Variants in ASB13 observed in about 807,000 individuals in gnomAD.
The protein encoded by ASB13 is ankyrin repeat and SOCS box containing 13.
ASB13 carries 33 observed loss-of-function variants against 28.8 expected under a neutral mutation model. The observed-to-expected ratio is 1.15, with a 90% CI of 0.87 to 1.53. The LOEUF (loss-of-function observed/expected upper bound fraction) is 1.53, where lower values mean the gene tolerates loss of function less well. ASB13 is among the 40% of genes most tolerant of loss of function. The probability of loss-of-function intolerance (pLI) is 0.00; values close to 1 mark genes in which losing one functional copy is unlikely to be tolerated. For missense variants in ASB13, 414 were observed against 390.1 expected, an observed-to-expected ratio of 1.06 and a Z score of -0.52; for synonymous variants, 182 against 172.9, an observed-to-expected ratio of 1.05 and a Z score of -0.41.
At position 5,666,566 on chromosome 10, in the gene ASB13, GCCGCGCGGCGAC is replaced by G; in HGVS notation, c.-27_-16del. The G allele has an allele frequency of 1.7e-6, 2 of 1,153,960 alleles. No homozygotes were observed. The highest frequency in any genetic ancestry group is 2.1e-6 in the Non-Finnish European group (2 of 938,170). 71.5% of individuals were successfully genotyped at this position (1,153,960 alleles called of 1,614,324 possible). The stretch of plus-strand genomic sequence containing the variant: ...CGGGGCTCCATGCGGCTCACCGGCG[GCCGCGCGGCGAC>G]TCTGGGCGCCGGGACCTGGGCCGGG... On this transcript the variant is annotated 5_prime_UTR_variant, in exon 1 of 6. Transcript: ENST00000357700.
At chr10:5,657,821 G>C (rs2131454906) in intron 1 of ASB13, among the ~76,000 whole-genome samples, 1 of 152,326 alleles carries the variant, frequency 6.6e-6, no homozygotes, top group Admixed American at 6.5e-5. Flanking sequence ...CTACAACATG[G>C]ATGAACCTTG....
rs72772144 is a variant in ASB13, at chr10:5,649,608, C to T, written c.383-504G>A. Among the ~76,000 whole-genome samples, 12,478 of 151,762 alleles carry T rather than the reference C, an allele frequency of 0.082. 580 individuals carry two copies. Among genetic ancestry groups the T allele is most frequent in the Non-Finnish European group, 0.1 (6,796 of 67,940 alleles). ...TGGTGCGATCTCAGCTCACTACAAC[C>T]GCCATCTCCCGGGTTAAAGCGATTC... On this transcript the variant is annotated intron_variant, in intron 3 of 5. Transcript: ENST00000357700. This position sits in a 1 kb window ranked among gnomAD's most constrained non-coding sequence, Gnocchi z 6.4.
At position 5,651,577 on chromosome 10, in the gene ASB13, T is replaced by C; in HGVS notation, c.232-214A>G. The C allele has an allele frequency of 3.7e-6, 2 of 542,396 alleles. No homozygotes were observed. Among genetic ancestry groups the C allele is most frequent in the South Asian group, 2.3e-5 (1 of 43,314 alleles). 33.6% of individuals were successfully genotyped at this position (542,396 alleles called of 1,614,324 possible). A position where few individuals can be genotyped will look rare whatever the true frequency, so the allele number is the denominator to read the frequency against. Reference sequence around the variant, plus strand: ...GAGAAGTCATCTCGTTCAGGATTCTTTTCTCTCAGGGCAGGATAAGCTCAG... The same window carrying C: ...GAGAAGTCATCTCGTTCAGGATTCTCTTCTCTCAGGGCAGGATAAGCTCAG... On this transcript the variant is annotated intron_variant, in intron 2 of 5. Transcript: ENST00000357700. The surrounding 1 kb of genome is among the most constrained non-coding windows in gnomAD (Gnocchi z 5.1).
Position 5,649,058 on chromosome 10 carries a change from C to A in ASB13, c.429G>T (p.Leu143=), listed in dbSNP as rs368611759. 22 of 1,614,146 alleles carry A rather than the reference C, an allele frequency of 1.4e-5. No individual in the cohort carries two copies. The East Asian group carries it at 1.6e-4, about 11-fold the overall frequency. The change falls in exon 4 of 6, where the codon CTG becomes CTT. Residue 143 remains leucine, a synonymous_variant. Coordinates refer to ENST00000357700, the MANE Select transcript of ASB13 (RefSeq NM_024701.4). The surrounding 1 kb of genome is among the most constrained non-coding windows in gnomAD (Gnocchi z 6.4). ...TCCCAAAATGGCAATCGTGCGCTTC[C>A]AGATTGGCCCCGACGTCAATAAGAA... ...VRLLIDVGAN[L]EAHDCHFGTP... is the part of the protein sequence containing the mutation.
rs1208060801 is a variant in ASB13 at position 5,652,976 on chromosome 10, C to T, written c.118G>A (p.Glu40Lys). 2.6e-6 allele frequency: 4 copies of T among 1,560,124 alleles called. No individual in the cohort carries two copies. The highest frequency in any genetic ancestry group is 2.4e-5 in the East Asian group (1 of 42,162). Residue 40 changes from glutamate (E) to lysine (K), a missense_variant, in exon 2 of 6, where the codon GAG (glutamate) becomes AAG (lysine). Transcript: ENST00000357700. This position sits in a 1 kb window ranked among gnomAD's most constrained non-coding sequence, Gnocchi z 5.0. ...ACCTGGTTCACGCAGGCGCCGCTCTCGATCAGCTGTTGCAGCTGCAGGCTC... is the reference window on the plus strand; with the variant it reads ...ACCTGGTTCACGCAGGCGCCGCTCTTGATCAGCTGTTGCAGCTGCAGGCTC... ...GESLQLQQLI[E>K]SGACVNQVTV... is the part of the protein sequence containing the mutation.
Position 5,663,462 on chromosome 10 carries a change from C to T in ASB13, c.43+3047G>A, listed in dbSNP as rs917760814. 6.6e-6 allele frequency among the ~76,000 whole-genome samples: 1 copy of T among 152,118 alleles called. No individual in the cohort carries two copies. The highest frequency in any genetic ancestry group is 1.5e-5 in the Non-Finnish European group (1 of 68,012). On this transcript the variant is annotated intron_variant, in intron 1 of 5. Transcript: ENST00000357700. The surrounding 1 kb of genome is among the most constrained non-coding windows in gnomAD (Gnocchi z 4.9). The stretch of plus-strand genomic sequence containing the variant: ...CCCTGGTCCACCCCAAAGGCTATGG[C>T]CCAGGGAGCATGGGGAGGGTCCCCC...
In ASB13 at chr10:5,649,292, G is replaced by A. The variant is rs774298573; in HGVS notation, c.383-188C>T. On this transcript the variant is annotated intron_variant, in intron 3 of 5. Coordinates refer to ENST00000357700, the MANE Select transcript of ASB13 (RefSeq NM_024701.4). This position sits in a 1 kb window ranked among gnomAD's most constrained non-coding sequence, Gnocchi z 6.4. ...CCTCAGGAAGCCAGGACACGGCTCT[G>A]CGCCCCGCTGAGGACGGAGGGCTCA... 1.3e-5 allele frequency among the ~76,000 whole-genome samples: 2 copies of A among 152,212 alleles called. No individual in the cohort carries two copies. The highest frequency in any genetic ancestry group is 2.4e-5 in the African/African-American group (1 of 41,454).
Position 5,641,714 on chromosome 10 carries a change from CA to C in ASB13, c.709+55del, listed in dbSNP as rs760510950. 1.6e-5 allele frequency: 24 copies of C among 1,511,500 alleles called. No individual in the cohort carries two copies. Among genetic ancestry groups the C allele is most frequent in the Non-Finnish European group, 2.1e-5 (23 of 1,120,986 alleles). 93.6% of individuals were successfully genotyped at this position (1,511,500 alleles called of 1,614,324 possible). A position where few individuals can be genotyped will look rare whatever the true frequency, so the allele number is the denominator to read the frequency against. ...GGAAGCCCACAGGGAGCCGGCACGT[CA>C]GGGGTCCAGGCTGAAGGCTGGAGGG... is the stretch of plus-strand genomic sequence containing the variant. On this transcript the variant is annotated intron_variant, in intron 5 of 5. Coordinates refer to ENST00000357700, the MANE Select transcript of ASB13 (RefSeq NM_024701.4). The surrounding 1 kb of genome is among the most constrained non-coding windows in gnomAD (Gnocchi z 8.4).
rs1835125802 is a variant in ASB13, at chr10:5,659,510, AGTG to A, written c.44-6463_44-6461del. On this transcript the variant is annotated intron_variant, in intron 1 of 5. Transcript: ENST00000357700. The surrounding 1 kb of genome is among the most constrained non-coding windows in gnomAD (Gnocchi z 5.8). ...AACTCTACCGACTCACACAGAGTCC[AGTG>A]GCTGCAAGTCCCATGCTTTGCGTAT... Among the ~76,000 whole-genome samples the A allele has an allele frequency of 1.3e-5, 2 of 152,324 alleles. No individual in the cohort carries two copies. Among genetic ancestry groups the A allele is most frequent in the South Asian group, 2.1e-4 (1 of 4,822 alleles).
chr10:5,641,819 G>T lies in ASB13; in HGVS notation c.660C>A (p.Asp220Glu). 1 of 1,612,412 alleles carries T rather than the reference G, an allele frequency of 6.2e-7. No homozygotes were observed. The change falls in exon 5 of 6, where the codon GAC becomes GAA. Residue 220 changes from aspartate to glutamate, a missense_variant. By Grantham distance (45) the Asp-to-Glu change is conservative. Coordinates refer to ENST00000357700, the MANE Select transcript of ASB13 (RefSeq NM_024701.4). This position sits in a 1 kb window ranked among gnomAD's most constrained non-coding sequence, Gnocchi z 8.4. ...ARDNRGKKPS[D>E]YTWSSSAPAK... ...CGGGAGCGCTGCTGCTCCACGTGTA[G>T]TCAGACGGCTTCTTCCCGCGGTTGT...
rs939915215 is a variant in ASB13, at chr10:5,639,696, A to T, written c.*1007T>A. 7 of 646 alleles carry T rather than the reference A, an allele frequency of 0.011. No individual in the cohort carries two copies. In the Admixed American group the frequency reaches 0.13, roughly 12 times the overall value. 0.0% of individuals were successfully genotyped at this position (646 alleles called of 1,614,324 possible). ...GTCCCATTCCCGTCCAACTCAAAGC[A>T]CTGGGACAATGCTGGATGTGATAGA... On this transcript the variant is annotated 3_prime_UTR_variant, in exon 6 of 6. Transcript: ENST00000357700.
chr10:5,662,540 GGA>G lies in ASB13; in HGVS notation c.43+3967_43+3968del, dbSNP rs1554744076. Among the ~76,000 whole-genome samples the G allele has an allele frequency of 3.8e-3, 142 of 37,624 alleles. 13 individuals carry two copies. Among genetic ancestry groups the G allele is most frequent in the African/African-American group, 0.013 (118 of 9,024 alleles). The allele number at this position is 37,624 out of a possible 152,430, so 24.7% of individuals were successfully genotyped here. ...CTGAGACTCTGTCGAGAAGGGGGGGGGAGGGGAGGGGAGGGGAGGGGAGGGGA... is the reference window on the plus strand; with the variant it reads ...CTGAGACTCTGTCGAGAAGGGGGGGGGGGGAGGGGAGGGGAGGGGAGGGGA... On this transcript the variant is annotated intron_variant, in intron 1 of 5. Transcript: ENST00000357700.
intron 4 of ASB13, among the ~76,000 whole-genome samples, chr10:5,647,474 T>C (rs575203987): frequency 5.3e-5 from 8 of 152,206 alleles, no homozygotes; most frequent in Non-Finnish European, 1.0e-4. Flanking sequence ...TTTGGGAATC[T>C]CAATCCTGAG....
At chr10:5,654,875 T>C (rs1379940659) in intron 1 of ASB13, among the ~76,000 whole-genome samples, 1 of 152,118 alleles carries the variant, frequency 6.6e-6, no homozygotes, top group Admixed American at 6.5e-5. Flanking sequence ...GGCGGGCGGA[T>C]CACTTGAGGT....
At chr10:5,648,784 A>G (rs1054015595) in intron 4 of ASB13, among the ~76,000 whole-genome samples, 186 bp downstream of exon 4, 1 of 148,162 alleles carries the variant, frequency 6.7e-6, no homozygotes, top group East Asian at 2.1e-4. Context: ...TGGGGTAAAC[A>G]CCCACGCGGG....
chr10:5,651,479 T>C lies in ASB13; in HGVS notation c.232-116A>G. The C allele has an allele frequency of 8.5e-7, 1 of 1,181,740 alleles. No individual in the cohort carries two copies. The highest frequency in any genetic ancestry group is 1.6e-5 in the South Asian group (1 of 63,138). 73.2% of individuals were successfully genotyped at this position (1,181,740 alleles called of 1,614,324 possible). A position where few individuals can be genotyped will look rare whatever the true frequency, so the allele number is the denominator to read the frequency against. On this transcript the variant is annotated intron_variant, in intron 2 of 5. Transcript: ENST00000357700. This position sits in a 1 kb window ranked among gnomAD's most constrained non-coding sequence, Gnocchi z 5.1. ...GCTTCTTAGAAGCACCGGTTTGCTTTGCTATTATGTGCTAGGCAACGACAC... is the reference window on the plus strand; with the variant it reads ...GCTTCTTAGAAGCACCGGTTTGCTTCGCTATTATGTGCTAGGCAACGACAC...
intron 1 of ASB13, among the ~76,000 whole-genome samples, chr10:5,653,872 G>C (rs1291536514): frequency 6.6e-6 from 1 of 152,030 alleles, no homozygotes. Flanking sequence ...AGTAGAGATG[G>C]GGTTTCACCA....
intron 4 of ASB13, among the ~76,000 whole-genome samples, chr10:5,648,517 C>T (rs1202023660): frequency 4.7e-5 from 7 of 150,242 alleles, no homozygotes; most frequent in Admixed American, 2.0e-4. Flanking sequence ...TAAACACCCA[C>T]GCGGGCAAAC....
At position 5,645,181 on chromosome 10, in the gene ASB13, CAAT is replaced by C. The variant is rs1157565460; in HGVS notation, c.518-3223_518-3221del. Among the ~76,000 whole-genome samples the C allele has an allele frequency of 4.1e-4, 62 of 150,370 alleles. No homozygotes were observed. Among genetic ancestry groups the C allele is most frequent in the African/African-American group, 1.5e-3 (60 of 40,746 alleles). On this transcript the variant is annotated intron_variant, in intron 4 of 5. Transcript: ENST00000357700. The surrounding 1 kb of genome is among the most constrained non-coding windows in gnomAD (Gnocchi z 5.4). ...AGACCTTAGCACGCCAAGACTGGCA[CAAT>C]CCTGGAACATAAACACAAATAGCTC... is the stretch of plus-strand genomic sequence containing the variant.
Sources: allele counts gnomAD v4.1 joint callset (sites outside exome capture counted in the v4.1 genomes callset), GRCh38; gene constraint gnomAD v4.1.1; non-coding constraint Gnocchi (gnomAD v3.1); transcripts MANE v1.5; gene names NCBI Gene and HGNC (gene_info 2026-07-23, HGNC 2026-07-21).